Variants in TAOK3 observed in about 807,000 individuals in gnomAD.
TAOK3 encodes TAO kinase 3.
A neutral mutation model predicts 120.4 loss-of-function variants in TAOK3; 40 were observed. The ratio of observed to expected loss-of-function variants is 0.33; its 90% CI spans 0.26 to 0.43. The LOEUF (loss-of-function observed/expected upper bound fraction) is 0.43, where lower values mean the gene tolerates loss of function less well. Among genes scored for constraint, TAOK3 ranks in the 20% least tolerant of loss-of-function variants. The pLI is 1.00. For synonymous variants in TAOK3, 355 were observed against 387.5 expected, an observed-to-expected ratio of 0.92 and a Z score of 0.99; for missense variants, 821 against 1,112.1, an observed-to-expected ratio of 0.74 and a Z score of 3.72.
intron 9 of TAOK3, among the ~76,000 whole-genome samples, chr12:118,233,285 G>A (rs1022943832): frequency 1.1e-4 from 16 of 151,028 alleles, no homozygotes; most frequent in Admixed American, 5.9e-4. Context: ...ATAGCATTAG[G>A]AGATATACCT....
At chr12:118,354,174 T>C (rs998539726) in intron 1 of TAOK3, among the ~76,000 whole-genome samples, 1 of 152,218 alleles carries the variant, frequency 6.6e-6, no homozygotes, top group Non-Finnish European at 1.5e-5. Flanking sequence ...ACTCTATATA[T>C]ACTATTTCCT....
chr12:118,308,845 G>A (rs747898674), intron 1 of TAOK3, among the ~76,000 whole-genome samples: 30 of 134,588 alleles, frequency 2.2e-4, no homozygotes, highest in Non-Finnish European at 1.7e-4. Context: ...CAGGAGACTC[G>A]TTTGAACCCA....
intron 17 of TAOK3, among the ~76,000 whole-genome samples, chr12:118,170,516 C>G (rs1219005786): frequency 1.3e-5 from 2 of 152,322 alleles, no homozygotes; most frequent in Middle Eastern, 3.4e-3. Context: ...AATCTCCACA[C>G]TTTGGGAGGC....
At chr12:118,329,528 GA>G (rs2044063089) in intron 1 of TAOK3, among the ~76,000 whole-genome samples, 2 of 152,062 alleles carry the variant, frequency 1.3e-5, no homozygotes, top group Admixed American at 6.6e-5. Flanking sequence ...ACCATCATGA[GA>G]AAAAGGACTA....
chr12:118,177,187 A>G lies in TAOK3; in HGVS notation c.1695+14T>C, dbSNP rs368786231. 1.4e-4 allele frequency: 227 copies of G among 1,611,882 alleles called. No individual in the cohort carries two copies. Among genetic ancestry groups the G allele is most frequent in the East Asian group, 1.0e-3 (47 of 44,842 alleles). ...TAATGGCAACTTGGTGAGAACAAAC[A>G]TTGGTATCCTTACCTCTTTTATTTT... On this transcript the variant is annotated intron_variant, in intron 16 of 20. Transcript: ENST00000392533.
intron 1 of TAOK3, among the ~76,000 whole-genome samples, chr12:118,332,792 T>A (rs531103867): frequency 6.6e-6 from 1 of 152,294 alleles, no homozygotes; most frequent in East Asian, 1.9e-4. Context: ...CCATTTGAAA[T>A]CATGTGAGAC....
intron 8 of TAOK3, among the ~76,000 whole-genome samples, chr12:118,234,367 T>A (rs995988879): frequency 9.4e-5 from 14 of 149,668 alleles, no homozygotes; most frequent in African/African-American, 3.5e-4. Context: ...TAGCTGGGAC[T>A]ACAAGTAGCT....
chr12:118,239,139 G>T, intron 6 of TAOK3, 88 bp downstream of exon 6: 1 of 853,790 alleles, frequency 1.2e-6, no homozygotes, highest in South Asian at 1.4e-5. Context: ...CATTCAATTA[G>T]ACTGCCCAAA....
At chr12:118,351,258 CAG>C (rs528546011) in intron 1 of TAOK3, among the ~76,000 whole-genome samples, 149 of 152,236 alleles carry the variant, frequency 9.8e-4, no homozygotes, top group African/African-American at 3.1e-3. Context: ...GTAACTAGAA[CAG>C]GGGATGATTC....
chr12:118,194,746 C>T (rs2037621736), intron 13 of TAOK3, among the ~76,000 whole-genome samples: 1 of 150,630 alleles, frequency 6.6e-6, no homozygotes, highest in Non-Finnish European at 1.5e-5. Flanking sequence ...GGTAGAATGG[C>T]TTTTTTTCCC....
chr12:118,152,700 A>G, intron 19 of TAOK3: 1 of 322,392 alleles, frequency 3.1e-6, no homozygotes, highest in Non-Finnish European at 5.8e-6. Context: ...GGCTTGAATT[A>G]CAGCTACACC....
intron 1 of TAOK3, among the ~76,000 whole-genome samples, chr12:118,369,906 T>C (rs2045850372): frequency 6.6e-6 from 1 of 152,136 alleles, no homozygotes; most frequent in Admixed American, 6.5e-5. Context: ...GACGGAGTCC[T>C]GCTCTGTCGC....
At chr12:118,316,191 G>C (rs1411264294) in intron 1 of TAOK3, among the ~76,000 whole-genome samples, 1 of 152,112 alleles carries the variant, frequency 6.6e-6, no homozygotes, top group East Asian at 1.9e-4. Flanking sequence ...AAATGTTCAA[G>C]AAAAGGAATC....
intron 1 of TAOK3, among the ~76,000 whole-genome samples, chr12:118,370,712 C>T (rs2045870141): frequency 6.6e-6 from 1 of 152,166 alleles, no homozygotes; most frequent in Non-Finnish European, 1.5e-5. Flanking sequence ...ATTAACATAT[C>T]CTAAGTACTG....
intron 9 of TAOK3, among the ~76,000 whole-genome samples, chr12:118,217,811 G>GTGTGTGTGTGTA (rs1353848789): frequency 1.3e-5 from 1 of 75,402 alleles, no homozygotes; most frequent in African/African-American, 5.1e-5. Flanking sequence ...GTGTGTGTGT[G>GTGTGTGTGTGTA]TATACATATA....
intron 2 of TAOK3, among the ~76,000 whole-genome samples, chr12:118,266,390 C>T (rs1050827257): frequency 6.6e-6 from 1 of 150,906 alleles, no homozygotes; most frequent in African/African-American, 2.4e-5. Flanking sequence ...TGAGTAGAGA[C>T]GTGGTTTCTC....
intron 20 of TAOK3, 132 bp from the exon 21 acceptor site, chr12:118,151,290 CACA>C: frequency 8.1e-5 from 2 of 24,710 alleles, no homozygotes; most frequent in Non-Finnish European, 1.6e-4. Context: ...CGCGCGCGCG[CACA>C]CACACACACA....
intron 17 of TAOK3, among the ~76,000 whole-genome samples, chr12:118,164,670 G>A (rs1283993083): frequency 1.3e-5 from 2 of 152,090 alleles, no homozygotes; most frequent in Non-Finnish European, 2.9e-5. Flanking sequence ...CACCCGCCTC[G>A]GCCTTTCAAA....
At chr12:118,320,890 T>A (rs2043676015) in intron 1 of TAOK3, among the ~76,000 whole-genome samples, 1 of 151,882 alleles carries the variant, frequency 6.6e-6, no homozygotes, top group South Asian at 2.1e-4. Flanking sequence ...CAAATGCCCA[T>A]CAAAAAGGAA....
Sources: gnomAD v4.1 joint callset for allele counts (sites outside exome capture counted in the v4.1 genomes callset) on GRCh38, gnomAD v4.1.1 for gene constraint, MANE v1.5 for transcripts, NCBI Gene and HGNC (gene_info 2026-07-23, HGNC 2026-07-21) for gene names.